The following CDH12 variants were observed in gnomAD, a reference collection of about 807,000 sequenced individuals.
The protein encoded by CDH12 is cadherin-12.
CDH12 carries 41 observed loss-of-function variants against 74.1 expected under a neutral mutation model. That is an observed-to-expected ratio of 0.55 (90% CI 0.43 to 0.72). The LOEUF (loss-of-function observed/expected upper bound fraction) is 0.72, where lower values mean the gene tolerates loss of function less well. Among genes scored for constraint, CDH12 ranks in the 30% least tolerant of loss-of-function variants. The pLI is 0.00. For missense variants in CDH12, 945 were observed against 977.2 expected, an observed-to-expected ratio of 0.97 and a Z score of 0.44; for synonymous variants, 399 against 355.0, an observed-to-expected ratio of 1.12 and a Z score of -1.39.
At chr5:22,112,603 CCTCAACT>C (rs1341952504) in intron 4 of CDH12, among the ~76,000 whole-genome samples, 1 of 151,560 alleles carries the variant, frequency 6.6e-6, no homozygotes, top group Non-Finnish European at 1.5e-5. Context: ...TTTTTTTTCC[CCTCAACT>C]CTTAATTGCA....
intron 2 of CDH12, among the ~76,000 whole-genome samples, chr5:22,410,943 G>A (rs535242225): frequency 1.3e-5 from 2 of 151,956 alleles, no homozygotes; most frequent in African/African-American, 4.8e-5. Context: ...TGAGAACAAT[G>A]AAATAGATTT....
At chr5:21,996,299 A>C (rs1398199521) in intron 5 of CDH12, among the ~76,000 whole-genome samples, 2 of 151,998 alleles carry the variant, frequency 1.3e-5, no homozygotes, top group African/African-American at 4.8e-5. Flanking sequence ...ACCAAATTAT[A>C]CTTGTGATCA....
chr5:22,735,167 C>A lies in CDH12; in HGVS notation c.-523+117891G>T, dbSNP rs191069009. 2.0e-3 allele frequency among the ~76,000 whole-genome samples: 300 copies of A among 151,968 alleles called. 1 individual carries two copies. Among genetic ancestry groups the A allele is most frequent in the Admixed American group, 6.3e-3 (96 of 15,224 alleles). On this transcript the variant is annotated intron_variant, in intron 1 of 14. Transcript: ENST00000382254. ...TCAAAGATGTTACTGCCACCTATCG[C>A]AACTACCTCAACATAATACAAACCT...
chr5:22,118,506 T>C (rs1298466880), intron 4 of CDH12, among the ~76,000 whole-genome samples: 1 of 152,046 alleles, frequency 6.6e-6, no homozygotes, highest in African/African-American at 2.4e-5. Context: ...TTCAAATGCA[T>C]TTAAAAACTG....
At chr5:22,780,498 C>T (rs1747332939) in intron 1 of CDH12, among the ~76,000 whole-genome samples, 1 of 152,122 alleles carries the variant, frequency 6.6e-6, no homozygotes, top group Non-Finnish European at 1.5e-5. Context: ...AGGCAACCTT[C>T]TTCACAGGGC....
At chr5:22,553,504 A>C (rs1309947788) in intron 1 of CDH12, among the ~76,000 whole-genome samples, 1 of 152,146 alleles carries the variant, frequency 6.6e-6, no homozygotes, top group Non-Finnish European at 1.5e-5. Flanking sequence ...TTTGAAATTA[A>C]AGAAACCACA....
intron 8 of CDH12, among the ~76,000 whole-genome samples, chr5:21,841,521 G>T (rs1249930667): frequency 3.4e-5 from 5 of 148,674 alleles, no homozygotes; most frequent in African/African-American, 7.4e-5. Context: ...TATACCCAAA[G>T]GACTATAAAT....
At chr5:22,471,700 T>C (rs1331348761) in intron 2 of CDH12, among the ~76,000 whole-genome samples, 1 of 152,188 alleles carries the variant, frequency 6.6e-6, no homozygotes, top group Non-Finnish European at 1.5e-5. Flanking sequence ...TGACTTCACA[T>C]GGCTACCAGT....
intron 3 of CDH12, among the ~76,000 whole-genome samples, chr5:22,260,979 G>C (rs999947031): frequency 2.0e-4 from 30 of 151,334 alleles, no homozygotes; most frequent in African/African-American, 7.0e-4. Flanking sequence ...TATCATAAAG[G>C]CATAAACAAT....
intron 1 of CDH12, among the ~76,000 whole-genome samples, chr5:22,810,612 C>T (rs1374096947): frequency 2.0e-5 from 3 of 152,034 alleles, no homozygotes; most frequent in Non-Finnish European, 4.4e-5. Flanking sequence ...AAATGGGCCA[C>T]GCACCTGTAA....
rs564339841 is a variant in CDH12 at position 22,458,539 on chromosome 5, T to C, written c.-428+46731A>G. Among the ~76,000 whole-genome samples, 14 of 152,328 alleles carry C rather than the reference T, an allele frequency of 9.2e-5. No individual in the cohort carries two copies. In the South Asian group the frequency reaches 2.5e-3, roughly 27 times the overall value. On this transcript the variant is annotated intron_variant, in intron 2 of 14. Coordinates refer to ENST00000382254, the MANE Select transcript of CDH12 (RefSeq NM_004061.5). ...GAGAAAGAAAAAATACTTCTTTGAA[T>C]GTACCATACATTTTAGCTGAAAGGC...
chr5:22,061,867 T>C (rs1427433636), intron 5 of CDH12, among the ~76,000 whole-genome samples: 4 of 152,168 alleles, frequency 2.6e-5, no homozygotes, highest in Admixed American at 6.6e-5. Flanking sequence ...TGGATTGACA[T>C]GTGCATAAGT....
At chr5:22,705,130 T>TATACAC (rs752782183) in intron 1 of CDH12, among the ~76,000 whole-genome samples, 2,914 of 125,562 alleles carry the variant, frequency 0.023, 32 homozygotes, top group Middle Eastern at 0.041. Context: ...TATATATATA[T>TATACAC]ACACACACAC....
intron 3 of CDH12, among the ~76,000 whole-genome samples, chr5:22,384,178 A>G (rs990009809): frequency 1.3e-5 from 2 of 152,096 alleles, no homozygotes; most frequent in South Asian, 2.1e-4. Flanking sequence ...TACTATATGC[A>G]TACTGTAGTG....
chr5:21,941,472 A>C (rs577293559), intron 6 of CDH12, among the ~76,000 whole-genome samples: 1 of 152,098 alleles, frequency 6.6e-6, no homozygotes, highest in East Asian at 1.9e-4. Flanking sequence ...CAAATTATAA[A>C]TAATTTGTCA....
At chr5:21,965,249 T>C (rs913857970) in intron 6 of CDH12, among the ~76,000 whole-genome samples, 5 of 152,072 alleles carry the variant, frequency 3.3e-5, no homozygotes, top group Non-Finnish European at 7.4e-5. Flanking sequence ...GTTTTCATTA[T>C]GAATCATTTC....
chr5:22,347,505 G>A (rs1740168797), intron 3 of CDH12, among the ~76,000 whole-genome samples: 2 of 152,150 alleles, frequency 1.3e-5, no homozygotes, highest in East Asian at 1.9e-4. Context: ...CTACTTTTGA[G>A]GTTTTGGGAT....
At chr5:22,095,722 C>T (rs1014257510) in intron 4 of CDH12, among the ~76,000 whole-genome samples, 1 of 151,818 alleles carries the variant, frequency 6.6e-6, no homozygotes, top group Non-Finnish European at 1.5e-5. Context: ...GCAAGAATCC[C>T]CCAATCCCTT....
intron 4 of CDH12, among the ~76,000 whole-genome samples, chr5:22,087,172 T>A (rs541269810): frequency 2.6e-5 from 4 of 152,252 alleles, no homozygotes; most frequent in African/African-American, 9.6e-5. Context: ...GAAGAAAATA[T>A]GGACTTTAGA....
Sources: gnomAD v4.1 joint callset for allele counts (sites outside exome capture counted in the v4.1 genomes callset) on GRCh38, gnomAD v4.1.1 for gene constraint, MANE v1.5 for transcripts, NCBI Gene and HGNC (gene_info 2026-07-23, HGNC 2026-07-21) for gene names.